Variants in CEP120 observed in about 807,000 individuals in gnomAD.
CEP120 encodes the protein centrosomal protein of 120 kDa.
CEP120 carries 113 observed loss-of-function variants against 126.5 expected under a neutral mutation model. That is an observed-to-expected ratio of 0.89 (90% CI 0.77 to 1.04). The LOEUF (loss-of-function observed/expected upper bound fraction) is 1.04. CEP120 is among the 50% of genes least tolerant of loss of function. The pLI, the probability that CEP120 is intolerant of heterozygous loss-of-function variation, is 0.00. For missense variants in CEP120, 1,230 were observed against 1,155.7 expected (o/e 1.06, Z -0.93); for synonymous variants, 400 against 394.3 (o/e 1.01, Z -0.17).
intron 4 of CEP120, among the ~76,000 whole-genome samples, chr5:123,408,311 C>A (rs6862676): frequency 0.44 from 65,602 of 150,242 alleles, 14,166 homozygotes; most frequent in East Asian, 0.48. Flanking sequence ...CAATAGAGAA[C>A]AATTAACAAA....
chr5:123,414,753 T>C (rs1264976553), intron 3 of CEP120, among the ~76,000 whole-genome samples: 1 of 151,368 alleles, frequency 6.6e-6, no homozygotes, highest in East Asian at 1.9e-4. Flanking sequence ...GTTCATGAGG[T>C]CAGGAGATCG....
intron 17 of CEP120, among the ~76,000 whole-genome samples, chr5:123,365,677 C>G (rs1007390136): frequency 3.3e-5 from 5 of 151,566 alleles, no homozygotes; most frequent in African/African-American, 9.7e-5. Context: ...TTGAATAATA[C>G]TGCTGAGATT....
intron 5 of CEP120, among the ~76,000 whole-genome samples, chr5:123,394,562 C>G (rs1772640188): frequency 2.6e-5 from 4 of 152,166 alleles, no homozygotes. Context: ...AAACCTGTAC[C>G]AGTCCGCAGC....
At chr5:123,352,674 T>C (rs1037315551) in intron 18 of CEP120, among the ~76,000 whole-genome samples, 1 of 152,038 alleles carries the variant, frequency 6.6e-6, no homozygotes, top group African/African-American at 2.4e-5. Context: ...TTCTTGGCTC[T>C]TACATTTTCA....
At chr5:123,391,739 CA>C (rs1030752724) in intron 6 of CEP120, among the ~76,000 whole-genome samples, 1 of 152,036 alleles carries the variant, frequency 6.6e-6, no homozygotes. Context: ...AACACAGTTT[CA>C]AAAAATAAGT....
intron 18 of CEP120, among the ~76,000 whole-genome samples, chr5:123,357,956 A>AAGAT (rs1167444823): frequency 1.3e-5 from 2 of 152,136 alleles, no homozygotes; most frequent in Non-Finnish European, 2.9e-5. Context: ...AACCACTTTA[A>AAGAT]AGATAATTAT....
intron 1 of CEP120, among the ~76,000 whole-genome samples, chr5:123,418,919 T>C (rs62377765): frequency 0.17 from 26,006 of 152,142 alleles, 2,642 homozygotes; most frequent in Non-Finnish European, 0.22. Context: ...ATCTGTTAAG[T>C]GTGGTTGACA....
chr5:123,350,060 A>C lies in CEP120; in HGVS notation c.2610T>G (p.Leu870=). Residue 870 remains leucine (L), a synonymous_variant, in exon 19 of 20, where the codon CTT becomes CTG. Coordinates refer to ENST00000306467, the MANE Select transcript of CEP120 (RefSeq NM_001375405.1). ...QREQESQMAR[L]KKQQEELEQM... ...GTTCCAATTCTTCCTGCTGTTTTTT[A>C]AGACGAGCCATTTGACTTTCTTGCT... The C allele has an allele frequency of 6.2e-7, 1 of 1,612,722 alleles. No homozygotes were observed. Among genetic ancestry groups the C allele is most frequent in the South Asian group, 1.1e-5 (1 of 90,734 alleles).
intron 17 of CEP120, 70 bp downstream of exon 17, chr5:123,372,580 A>G: frequency 7.1e-7 from 1 of 1,412,162 alleles, no homozygotes. Flanking sequence ...TATATTGTAT[A>G]CACATTATTG....
At chr5:123,395,333 T>C (rs1772703731) in intron 5 of CEP120, among the ~76,000 whole-genome samples, 1 of 152,198 alleles carries the variant, frequency 6.6e-6, no homozygotes, top group Admixed American at 6.5e-5. Context: ...ATTAAAACTT[T>C]ATAGTAACAT....
intron 1 of CEP120, among the ~76,000 whole-genome samples, chr5:123,419,878 C>T (rs1774611074): frequency 6.6e-6 from 1 of 152,126 alleles, no homozygotes; most frequent in African/African-American, 2.4e-5. Context: ...CGAAGAAGCA[C>T]TAAGAATCTT....
rs569821857 is a variant in CEP120 at position 123,353,865 on chromosome 5, G to A, written c.2581-3776C>T. On this transcript the variant is annotated intron_variant, in intron 18 of 19. Coordinates refer to ENST00000306467, the MANE Select transcript of CEP120 (RefSeq NM_001375405.1). ...CTTGTCCTTGAATACTTGCTAAGGC[G>A]GGGTTGGGGTCCTTTCAAAGACATG... Among the ~76,000 whole-genome samples the A allele has an allele frequency of 3.0e-3, 456 of 151,968 alleles. 3 individuals carry two copies. Among genetic ancestry groups the A allele is most frequent in the African/African-American group, 9.4e-3 (389 of 41,516 alleles).
intron 3 of CEP120, among the ~76,000 whole-genome samples, chr5:123,413,685 C>T (rs1441915019): frequency 6.6e-6 from 1 of 152,004 alleles, no homozygotes; most frequent in Non-Finnish European, 1.5e-5. Flanking sequence ...GCCTATACTG[C>T]TATTTTATAT....
Position 123,382,836 on chromosome 5 carries a change from A to C in CEP120, c.1914T>G (p.Pro638=), listed in dbSNP as rs750101029. Residue 638 remains proline, a synonymous_variant, in exon 13 of 20, where the codon CCT becomes CCG. Transcript: ENST00000306467. ...CACGAGGCTCTGTCTGGATCTCTGA[A>C]GGACAAGGTGCTGGAGGAAGAGAAG... ...KPSSLPPAPC[P]SEIQTEPRET... The C allele has an allele frequency of 4.3e-6, 7 of 1,613,500 alleles. No homozygotes were observed. The South Asian group carries it at 7.7e-5, about 18-fold the overall frequency.
intron 9 of CEP120, chr5:123,388,156 G>A (rs1772147457): frequency 5.1e-6 from 1 of 195,458 alleles, no homozygotes; most frequent in Non-Finnish European, 1.0e-5. Context: ...TATTATGTAT[G>A]TTTATCAAAA....
Position 123,346,542 on chromosome 5 carries a change from C to A in CEP120, c.2938G>T (p.Ala980Ser). Residue 980 changes from alanine to serine, a missense_variant, in exon 20 of 20, where the codon GCA (alanine) becomes TCA (serine). Physicochemically the swap from Ala to Ser is moderately conservative, Grantham distance 99. Transcript: ENST00000306467. ...ELDRQIREIL[A>S]KSNASN is the part of the protein sequence containing the mutation. ...TATTAATTACTGGCATTGCTTTTTG[C>A]CAAAATCTCTCTGATCTGTCGGTCG... 6.2e-7 allele frequency: 1 copy of A among 1,610,208 alleles called. No individual in the cohort carries two copies. Among genetic ancestry groups the A allele is most frequent in the Non-Finnish European group, 8.5e-7 (1 of 1,178,844 alleles).
intron 14 of CEP120, among the ~76,000 whole-genome samples, chr5:123,379,184 G>C (rs1340324237): frequency 3.3e-5 from 5 of 152,090 alleles, no homozygotes; most frequent in African/African-American, 7.2e-5. Flanking sequence ...AAAGCAGTAG[G>C]ATTGTGAGCA....
chr5:123,418,927 A>T (rs1774546748), intron 1 of CEP120, among the ~76,000 whole-genome samples: 1 of 152,162 alleles, frequency 6.6e-6, no homozygotes, highest in Non-Finnish European at 1.5e-5. Flanking sequence ...AGTGTGGTTG[A>T]CATGCATTCC....
intron 4 of CEP120, among the ~76,000 whole-genome samples, chr5:123,405,258 C>T (rs537496488): frequency 1.5e-3 from 113 of 76,736 alleles, no homozygotes; most frequent in African/African-American, 5.7e-3. Flanking sequence ...TGTGAACCAG[C>T]CTGAGAGATA....
Sources: gnomAD v4.1 joint callset for allele counts (sites outside exome capture counted in the v4.1 genomes callset) on GRCh38, gnomAD v4.1.1 for gene constraint, MANE v1.5 for transcripts, NCBI Gene and HGNC (gene_info 2026-07-23, HGNC 2026-07-21) for gene names.